PDE4D: variants seen among roughly 807,000 people sequenced by gnomAD.
PDE4D encodes phosphodiesterase 4D.
In PDE4D, 24 loss-of-function variants were observed where a neutral mutation model predicts 87.4. That is an observed-to-expected ratio of 0.27 (90% confidence interval 0.20 to 0.39). PDE4D has a LOEUF of 0.39. PDE4D is among the 10% of genes least tolerant of loss of function. PDE4D has a pLI of 1.00. For missense variants in PDE4D, 714 were observed against 1,041.0 expected (o/e 0.69, Z 4.32); for synonymous variants, 384 against 383.2 (o/e 1.00, Z -0.02).
chr5:59,116,083 C>T (rs1463501409), intron 5 of PDE4D, among the ~76,000 whole-genome samples: 1 of 152,014 alleles, frequency 6.6e-6, no homozygotes, highest in Non-Finnish European at 1.5e-5. Flanking sequence ...ATATAATATA[C>T]AGCCAAAAAA....
intron 1 of PDE4D, among the ~76,000 whole-genome samples, chr5:59,818,504 G>T (rs769527647): frequency 6.6e-6 from 1 of 152,162 alleles, no homozygotes; most frequent in Admixed American, 6.5e-5. Context: ...CATTATAAAA[G>T]AAATTTCAGC....
chr5:59,188,560 A>G (rs1308376877), intron 3 of PDE4D, among the ~76,000 whole-genome samples: 3 of 152,196 alleles, frequency 2.0e-5, no homozygotes, highest in Non-Finnish European at 4.4e-5. Flanking sequence ...CTAAAAAAAA[A>G]GAGGAAAATA....
intron 1 of PDE4D, among the ~76,000 whole-genome samples, chr5:60,399,779 C>T (rs1196172555): frequency 1.3e-5 from 2 of 152,266 alleles, no homozygotes; most frequent in Non-Finnish European, 2.9e-5. Flanking sequence ...GCTCCCCAAG[C>T]TGGCTCTCTG....
At chr5:59,171,779 T>C (rs1782804669) in intron 5 of PDE4D, among the ~76,000 whole-genome samples, 1 of 139,260 alleles carries the variant, frequency 7.2e-6, no homozygotes, top group Admixed American at 8.0e-5. Flanking sequence ...TATATATGAA[T>C]ACATATTCAT....
intron 1 of PDE4D, among the ~76,000 whole-genome samples, chr5:59,779,184 T>A (rs1427742254): frequency 1.3e-5 from 2 of 151,696 alleles, no homozygotes; most frequent in African/African-American, 4.8e-5. Context: ...AAGAAAGAAA[T>A]CCTTTGGCTA....
chr5:60,089,073 C>T (rs1774832779), intron 2 of PDE4D, among the ~76,000 whole-genome samples: 1 of 151,918 alleles, frequency 6.6e-6, no homozygotes, highest in African/African-American at 2.4e-5. Context: ...CAGTTAAAAA[C>T]AACAGAGAAG....
Position 59,279,876 on chromosome 5 carries a change from C to T in PDE4D, c.456-63908G>A, listed in dbSNP as rs376750178. ...AGGAAGAGAAAGAGATTAAAAAATG[C>T]TACCAAGTTTTTGGAAGTTTTTAAA... On this transcript the variant is annotated intron_variant, in intron 1 of 14. Coordinates refer to ENST00000340635, the MANE Select transcript of PDE4D (RefSeq NM_001104631.2). Among the ~76,000 whole-genome samples the T allele has an allele frequency of 6.9e-4, 105 of 151,750 alleles. 2 individuals are homozygous for T. In the South Asian group the frequency reaches 0.021, roughly 30 times the overall value.
chr5:59,055,581 T>C (rs1013723951), intron 5 of PDE4D, among the ~76,000 whole-genome samples: 3 of 151,852 alleles, frequency 2.0e-5, no homozygotes, highest in African/African-American at 7.3e-5. Flanking sequence ...TAGACCTTTT[T>C]CCCTCTTTCC....
chr5:60,513,098 G>A (rs1750647222), intron 1 of PDE4D, among the ~76,000 whole-genome samples: 1 of 152,082 alleles, frequency 6.6e-6, no homozygotes, highest in African/African-American at 2.4e-5. Flanking sequence ...AATAATGATA[G>A]ATTTAAACAA....
intron 6 of PDE4D, among the ~76,000 whole-genome samples, chr5:59,037,010 T>G (rs1451037311): frequency 6.6e-6 from 1 of 152,222 alleles, no homozygotes; most frequent in African/African-American, 2.4e-5. Flanking sequence ...TAAAGATTTT[T>G]TTTTTAAATC....
intron 3 of PDE4D, among the ~76,000 whole-genome samples, chr5:59,966,117 G>A (rs954078550): frequency 4.6e-5 from 7 of 152,090 alleles, no homozygotes; most frequent in East Asian, 3.9e-4. Context: ...TCTCTGGTTC[G>A]CTACTAGTTT....
At chr5:59,385,635 C>T (rs181942802) in intron 1 of PDE4D, among the ~76,000 whole-genome samples, 2 of 152,108 alleles carry the variant, frequency 1.3e-5, no homozygotes, top group East Asian at 1.9e-4. Flanking sequence ...CTGCTCTTGC[C>T]CAAGATTATA....
intron 1 of PDE4D, among the ~76,000 whole-genome samples, chr5:60,392,857 A>G (rs1762641152): frequency 6.6e-6 from 1 of 152,210 alleles, no homozygotes; most frequent in African/African-American, 2.4e-5. Context: ...CTCATGATCA[A>G]ACATTTCTTC....
chr5:59,016,785 C>G (rs1333775972), intron 6 of PDE4D, among the ~76,000 whole-genome samples: 1 of 152,030 alleles, frequency 6.6e-6, no homozygotes, highest in Non-Finnish European at 1.5e-5. Flanking sequence ...CTCATGCACT[C>G]AACAAACACT....
intron 1 of PDE4D, among the ~76,000 whole-genome samples, chr5:60,257,220 AAG>A (rs1443406380): frequency 1.3e-5 from 1 of 74,456 alleles, no homozygotes; most frequent in South Asian, 4.8e-4. Flanking sequence ...GAAAGAAAGA[AAG>A]AGAAAGAAAG....
chr5:59,572,859 A>T (rs1200188987), intron 1 of PDE4D, among the ~76,000 whole-genome samples: 1 of 152,246 alleles, frequency 6.6e-6, no homozygotes, highest in Non-Finnish European at 1.5e-5. Flanking sequence ...TTCCACAGAA[A>T]TCCATAGGGG....
chr5:59,743,587 T>G (rs1351865979), intron 1 of PDE4D, among the ~76,000 whole-genome samples: 1 of 152,064 alleles, frequency 6.6e-6, no homozygotes, highest in Non-Finnish European at 1.5e-5. Context: ...GTTGATAGGA[T>G]TGTAAAATGG....
At chr5:60,362,649 G>T (rs375570245) in intron 1 of PDE4D, among the ~76,000 whole-genome samples, 1 of 152,124 alleles carries the variant, frequency 6.6e-6, no homozygotes, top group East Asian at 1.9e-4. Context: ...CCTAAGGTCA[G>T]GAGTTTGAGA....
At chr5:59,813,381 G>T (rs1341010812) in intron 1 of PDE4D, among the ~76,000 whole-genome samples, 2 of 151,700 alleles carry the variant, frequency 1.3e-5, no homozygotes, top group Non-Finnish European at 2.9e-5. Flanking sequence ...ACCAGTACCA[G>T]CTTTAATGTT....
Sources: gnomAD v4.1 joint callset for allele counts (sites outside exome capture counted in the v4.1 genomes callset) on GRCh38, gnomAD v4.1.1 for gene constraint, MANE v1.5 for transcripts, NCBI Gene and HGNC (gene_info 2026-07-23, HGNC 2026-07-21) for gene names.